The following PNLIPRP3 variants were observed in gnomAD, a reference collection of about 807,000 sequenced individuals.
PNLIPRP3 encodes the protein pancreatic lipase related protein 3, also known as pancreatic lipase-related protein 3.
PNLIPRP3 carries 58 observed loss-of-function variants against 52.8 expected under a neutral mutation model. That is an observed-to-expected ratio of 1.10 (90% CI 0.89 to 1.37). The LOEUF (loss-of-function observed/expected upper bound fraction) is 1.37. Ranked by LOEUF, PNLIPRP3 falls within the 40% of genes most tolerant of loss-of-function variation. The pLI, the probability that PNLIPRP3 is intolerant of heterozygous loss-of-function variation, is 0.00. For missense variants in PNLIPRP3, 593 were observed against 561.6 expected (o/e 1.06, Z -0.57); for synonymous variants, 192 against 185.0 (o/e 1.04, Z -0.31).
chr10:116,470,098 T>A (rs988790055), intron 9 of PNLIPRP3, among the ~76,000 whole-genome samples: 2 of 152,086 alleles, frequency 1.3e-5, no homozygotes, highest in Admixed American at 1.3e-4. Context: ...TGGCTGTGGA[T>A]GAGCTGTCAT....
intron 8 of PNLIPRP3, among the ~76,000 whole-genome samples, chr10:116,468,867 C>T (rs1846321530): frequency 6.6e-6 from 1 of 152,260 alleles, no homozygotes; most frequent in South Asian, 2.1e-4. Context: ...TGAAATTTTA[C>T]CTTGTTTTAA....
At chr10:116,431,696 C>G (rs1845711538) in intron 1 of PNLIPRP3, among the ~76,000 whole-genome samples, 1 of 152,080 alleles carries the variant, frequency 6.6e-6, no homozygotes, top group Non-Finnish European at 1.5e-5. Context: ...TGAACAAGCC[C>G]AAAAGCAACT....
At chr10:116,441,900 G>A (rs1469812002) in intron 2 of PNLIPRP3, among the ~76,000 whole-genome samples, 1 of 152,158 alleles carries the variant, frequency 6.6e-6, no homozygotes, top group African/African-American at 2.4e-5. Flanking sequence ...ACAGATAGGA[G>A]TGTTAGCTAT....
Position 116,427,879 on chromosome 10 carries a change from T to C in PNLIPRP3, c.-134T>C. 1.4e-6 allele frequency: 1 copy of C among 705,422 alleles called. No individual in the cohort carries two copies. The highest frequency in any genetic ancestry group is 2.5e-6 in the Non-Finnish European group (1 of 392,900). 43.7% of individuals were successfully genotyped at this position (705,422 alleles called of 1,614,324 possible). A position where few individuals can be genotyped will look rare whatever the true frequency, so the allele number is the denominator to read the frequency against. ...TTGCAGAGCATAAGGTGGAATAACA[T>C]GTTCTTTTAAACGTAGAGTTTAAAC... On this transcript the variant is annotated 5_prime_UTR_variant, in exon 1 of 12. The change abolishes an upstream ATG in the 5' untranslated region. Coordinates refer to ENST00000369230, the MANE Select transcript of PNLIPRP3 (RefSeq NM_001011709.3).
intron 4 of PNLIPRP3, among the ~76,000 whole-genome samples, chr10:116,448,644 C>G (rs1845990590): frequency 6.6e-6 from 1 of 152,086 alleles, no homozygotes. Context: ...ACCTGGAGTT[C>G]AACACAAGCC....
intron 4 of PNLIPRP3, among the ~76,000 whole-genome samples, chr10:116,451,767 C>T (rs1263202054): frequency 6.6e-6 from 1 of 152,070 alleles, no homozygotes; most frequent in Non-Finnish European, 1.5e-5. Context: ...GAACCATGAG[C>T]CAATTAAACC....
intron 4 of PNLIPRP3, among the ~76,000 whole-genome samples, chr10:116,448,636 C>G (rs189690937): frequency 2.4e-3 from 363 of 152,196 alleles, no homozygotes; most frequent in Admixed American, 4.5e-3. Context: ...CACTTGAGAC[C>G]TGGAGTTCAA....
intron 1 of PNLIPRP3, among the ~76,000 whole-genome samples, chr10:116,431,687 G>A (rs948970315): frequency 2.0e-5 from 3 of 152,056 alleles, no homozygotes; most frequent in Non-Finnish European, 2.9e-5. Context: ...ACAAATAAAT[G>A]AACAAGCCCA....
At position 116,477,697 on chromosome 10, in the gene PNLIPRP3, G is replaced by A. The variant is rs1846498061; in HGVS notation, c.*544G>A. 6.6e-6 allele frequency: 1 copy of A among 152,212 alleles called. No individual in the cohort carries two copies. Among genetic ancestry groups the A allele is most frequent in the Admixed American group, 6.6e-5 (1 of 15,266 alleles). The allele number at this position is 152,212 out of a possible 1,614,324, so 9.4% of individuals were successfully genotyped here. A position where few individuals can be genotyped will look rare whatever the true frequency, so the allele number is the denominator to read the frequency against. On this transcript the variant is annotated 3_prime_UTR_variant, in exon 12 of 12. Transcript: ENST00000369230. ...GAGATGGCACTAGTATTTCCAAGGT[G>A]TTCCTTGGTGTTCAGGGTGTGCACA...
At chr10:116,450,910 T>C (rs1846025050) in intron 4 of PNLIPRP3, among the ~76,000 whole-genome samples, 1 of 45,526 alleles carries the variant, frequency 2.2e-5, no homozygotes, top group South Asian at 2.3e-3. Context: ...AAAATTCCAG[T>C]GGCCTTTTTT....
chr10:116,446,841 A>T (rs1163961799), intron 4 of PNLIPRP3, among the ~76,000 whole-genome samples: 3 of 152,178 alleles, frequency 2.0e-5, no homozygotes, highest in Non-Finnish European at 2.9e-5. Flanking sequence ...GCACCATATG[A>T]TCTGAAGGAA....
rs1323581506 is a variant in PNLIPRP3 at position 116,461,154 on chromosome 10, T to C, written c.686-14T>C. The C allele has an allele frequency of 6.2e-7, 1 of 1,614,196 alleles. No individual in the cohort carries two copies. The highest frequency in any genetic ancestry group is 1.7e-5 in the Admixed American group (1 of 60,032). ...GATTTTTAGAGGCATTTACCCTGTT[T>C]TTATTTATTTCAGGTGTTGGAACCA... On this transcript the variant is annotated splice_polypyrimidine_tract_variant and intron_variant, in intron 6 of 11. Coordinates refer to ENST00000369230, the MANE Select transcript of PNLIPRP3 (RefSeq NM_001011709.3).
chr10:116,443,801 G>GTGTGTATATATA, intron 3 of PNLIPRP3, among the ~76,000 whole-genome samples: 1 of 11,158 alleles, frequency 9.0e-5, no homozygotes, highest in Admixed American at 6.8e-4. Context: ...ATGTGTGTGT[G>GTGTGTATATATA]CATATATATA....
At chr10:116,465,408 G>A (rs1168118775) in intron 7 of PNLIPRP3, among the ~76,000 whole-genome samples, 1 of 151,938 alleles carries the variant, frequency 6.6e-6, no homozygotes, top group African/African-American at 2.4e-5. Context: ...GGTGGTGGGC[G>A]CCTGTAGTCC....
intron 9 of PNLIPRP3, among the ~76,000 whole-genome samples, chr10:116,471,350 C>T (rs947133409): frequency 2.0e-5 from 3 of 152,060 alleles, no homozygotes; most frequent in Non-Finnish European, 4.4e-5. Context: ...TCTTCTTGCC[C>T]AATTGGTTTC....
At chr10:116,429,532 C>T (rs1460820754) in intron 1 of PNLIPRP3, among the ~76,000 whole-genome samples, 5 of 152,188 alleles carry the variant, frequency 3.3e-5, no homozygotes, top group African/African-American at 1.2e-4. Flanking sequence ...GTGGAATTGG[C>T]CAATCTTGAC....
At position 116,434,759 on chromosome 10, in the gene PNLIPRP3, A is replaced by G. The variant is rs181876527; in HGVS notation, c.50-1952A>G. ...AGGGCAACTGGGCATTCTAGGGAAAACAGAAGGCTGTTTTAGAAAGCCATG... is the reference window on the plus strand; with the variant it reads ...AGGGCAACTGGGCATTCTAGGGAAAGCAGAAGGCTGTTTTAGAAAGCCATG... On this transcript the variant is annotated intron_variant, in intron 1 of 11. Transcript: ENST00000369230. Among the ~76,000 whole-genome samples, 12 of 152,338 alleles carry G rather than the reference A, an allele frequency of 7.9e-5. No individual in the cohort carries two copies. In the East Asian group the frequency reaches 1.5e-3, roughly 20 times the overall value.
At chr10:116,470,937 T>C (rs1158138302) in intron 9 of PNLIPRP3, among the ~76,000 whole-genome samples, 1 of 152,100 alleles carries the variant, frequency 6.6e-6, no homozygotes, top group African/African-American at 2.4e-5. Context: ...GTTCAACCCT[T>C]AGTGAGCTTG....
chr10:116,466,270 C>T lies in PNLIPRP3; in HGVS notation c.927+102C>T, dbSNP rs1846281792. 3 of 772,744 alleles carry T rather than the reference C, an allele frequency of 3.9e-6. No homozygotes were observed. The East Asian group carries it at 8.2e-5, about 21-fold the overall frequency. 47.9% of individuals were successfully genotyped at this position (772,744 alleles called of 1,614,324 possible). A position where few individuals can be genotyped will look rare whatever the true frequency, so the allele number is the denominator to read the frequency against. On this transcript the variant is annotated intron_variant, in intron 8 of 11. Coordinates refer to ENST00000369230, the MANE Select transcript of PNLIPRP3 (RefSeq NM_001011709.3). ...CTTTGTGTAGGTAGCAAAAAAAATG[C>T]ACCTGCCATTTTGGGAAATAATGGA... is the stretch of plus-strand genomic sequence containing the variant.
Sources: gnomAD v4.1 joint callset for allele counts (sites outside exome capture counted in the v4.1 genomes callset) on GRCh38, gnomAD v4.1.1 for gene constraint, MANE v1.5 for transcripts, NCBI Gene and HGNC (gene_info 2026-07-23, HGNC 2026-07-21) for gene names.